The following TMEM8B variants were observed in gnomAD, a reference collection of about 807,000 sequenced individuals.
The protein encoded by TMEM8B is nasopharyngeal carcinoma expressed 6.
In TMEM8B, 29 loss-of-function variants were observed where a neutral mutation model predicts 49.3. That is an observed-to-expected ratio of 0.59 (90% CI 0.44 to 0.80). The LOEUF is 0.80. Ranked by LOEUF, TMEM8B falls within the 30% of genes least tolerant of loss-of-function variation. The pLI is 0.00. For synonymous variants in TMEM8B, 264 were observed against 272.8 expected (o/e 0.97, Z 0.32); for missense variants, 575 against 658.5 (o/e 0.87, Z 1.39).
rs797017228 is a variant in TMEM8B, at chr9:35,853,551, G to A, written c.2486G>A (p.Arg829His). The A allele has an allele frequency of 5.0e-6, 8 of 1,613,998 alleles. No homozygotes were observed. Among genetic ancestry groups the A allele is most frequent in the Admixed American group, 3.3e-5 (2 of 60,008 alleles). The change falls in exon 13 of 13, where the codon CGC becomes CAC. Residue 829 changes from arginine (R) to histidine (H), a missense_variant. Arg to His is a conservative substitution (Grantham distance 29, BLOSUM62 0). Transcript: ENST00000643932. The surrounding 1 kb of genome is among the most constrained non-coding windows in gnomAD (Gnocchi z 4.2). Reference sequence around the variant, plus strand: ...CGGCACTGCTACCCACCCACGTGGCGCCGCTGGCTTTTCTACTTGTGCCCT... The same window carrying A: ...CGGCACTGCTACCCACCCACGTGGCACCGCTGGCTTTTCTACTTGTGCCCT... ...RRRHCYPPTW[R>H]RWLFYLCPGS...
In TMEM8B at chr9:35,853,927, G is replaced by T; in HGVS notation, c.*87G>T. On this transcript the variant is annotated 3_prime_UTR_variant, in exon 13 of 13. Transcript: ENST00000643932. The surrounding 1 kb of genome is among the most constrained non-coding windows in gnomAD (Gnocchi z 4.2). ...GTGGAGCCCTCTTAGAAGGAGACAG[G>T]CTGTATTTCTTGAGGACATGGAGTC... 1 of 1,441,612 alleles carries T rather than the reference G, an allele frequency of 6.9e-7. No individual in the cohort carries two copies. The highest frequency in any genetic ancestry group is 9.1e-7 in the Non-Finnish European group (1 of 1,102,238). 89.3% of individuals were successfully genotyped at this position (1,441,612 alleles called of 1,614,324 possible).
In TMEM8B at chr9:35,847,010, C is replaced by T. The variant is rs1025559068; in HGVS notation, c.2175+15C>T. Reference sequence around the variant, plus strand: ...TCTTCTCCACGGTATGCGGTGGTGTCTGCATCTTATCACTGGGTGCTTGTG... The same window carrying T: ...TCTTCTCCACGGTATGCGGTGGTGTTTGCATCTTATCACTGGGTGCTTGTG... On this transcript the variant is annotated intron_variant, in intron 10 of 12. Coordinates refer to ENST00000643932, the MANE Select transcript of TMEM8B (RefSeq NM_001042590.4). 6 of 1,614,090 alleles carry T rather than the reference C, an allele frequency of 3.7e-6. No individual in the cohort carries two copies. In the African/African-American group the frequency reaches 8.0e-5, roughly 22 times the overall value.
At chr9:35,840,681 A>AG (rs1188434053) in intron 3 of TMEM8B, among the ~76,000 whole-genome samples, 1 of 152,040 alleles carries the variant, frequency 6.6e-6, no homozygotes, top group Non-Finnish European at 1.5e-5. Flanking sequence ...GGGGAGAGTG[A>AG]GGGGGCTGGA....
At chr9:35,833,580 T>TG (rs1830131356) in intron 1 of TMEM8B, among the ~76,000 whole-genome samples, 1 of 152,212 alleles carries the variant, frequency 6.6e-6, no homozygotes, top group African/African-American at 2.4e-5. Flanking sequence ...TAATGAGGGA[T>TG]GACCACTTCC....
chr9:35,846,441 C>T (rs1443749837), intron 8 of TMEM8B, 28 bp from the exon 9 acceptor site: 1 of 1,596,328 alleles, frequency 6.3e-7, no homozygotes. Context: ...TGGCCCGGGG[C>T]CCCAGGTGAC....
Position 35,853,259 on chromosome 9 carries a change from T to A in TMEM8B, c.2439+2T>A. 6.2e-7 allele frequency: 1 copy of A among 1,608,382 alleles called. No homozygotes were observed. Among genetic ancestry groups the A allele is most frequent in the Non-Finnish European group, 8.5e-7 (1 of 1,175,052 alleles). On this transcript the variant is annotated splice_donor_variant, in intron 12 of 12. Coordinates refer to ENST00000643932, the MANE Select transcript of TMEM8B (RefSeq NM_001042590.4). LOFTEE classifies it high-confidence loss of function. The surrounding 1 kb of genome is among the most constrained non-coding windows in gnomAD (Gnocchi z 4.2). Reference sequence around the variant, plus strand: ...CTGGGGATCTTGGCCACAGCCTGGGTAAGGGTGGGGAGGGATGTGGGGGGA... The same window carrying A: ...CTGGGGATCTTGGCCACAGCCTGGGAAAGGGTGGGGAGGGATGTGGGGGGA...
chr9:35,841,220 G>T lies in TMEM8B; in HGVS notation c.993G>T (p.Arg331=). The T allele has an allele frequency of 4.8e-6, 2 of 416,082 alleles. No individual in the cohort carries two copies. The highest frequency in any genetic ancestry group is 8.8e-6 in the Non-Finnish European group (2 of 226,730). The allele number at this position is 416,082 out of a possible 1,614,324, so 25.8% of individuals were successfully genotyped here. The part of the protein sequence containing the change: ...LLDVAVLVPG[R]PSEQTLSPHN... ...ACGTCGCTGTGCTGGTTCCTGGCCG[G>T]CCCTCAGAGCAAACCCTCTCCCCAC... The change falls in exon 4 of 13, where the codon CGG becomes CGT. Residue 331 remains arginine (R), a synonymous_variant. Coordinates refer to ENST00000643932, the MANE Select transcript of TMEM8B (RefSeq NM_001042590.4). The surrounding 1 kb of genome is among the most constrained non-coding windows in gnomAD (Gnocchi z 5.9).
At chr9:35,846,427 G>T in intron 8 of TMEM8B, 42 bp from the exon 9 acceptor site, 1 of 1,598,374 alleles carries the variant, frequency 6.3e-7, no homozygotes, top group Middle Eastern at 1.7e-4. Flanking sequence ...GGACTTGGCG[G>T]GGGTGGCCCG....
chr9:35,846,122 C>T (rs1831521140), intron 7 of TMEM8B, 54 bp downstream of exon 7: 1 of 1,587,902 alleles, frequency 6.3e-7, no homozygotes, highest in Non-Finnish European at 8.6e-7. Context: ...GTGGTGGTGG[C>T]GGGCAGAGGT....
chr9:35,837,463 G>T (rs1220759623), intron 3 of TMEM8B, among the ~76,000 whole-genome samples: 3 of 152,142 alleles, frequency 2.0e-5, no homozygotes, highest in Non-Finnish European at 4.4e-5. Flanking sequence ...GAGTAGCATG[G>T]CCCAAAGTTT....
chr9:35,844,196 C>A (rs140176037), intron 6 of TMEM8B, among the ~76,000 whole-genome samples: 1 of 152,354 alleles, frequency 6.6e-6, no homozygotes, highest in East Asian at 1.9e-4. Flanking sequence ...ATTTTTGAAC[C>A]TGAATGGAAG....
chr9:35,841,582 G>A lies in TMEM8B; in HGVS notation c.1097G>A (p.Gly366Asp). ...RVSAQLVCVG[G>D]RGVSACPLSL... ...TCAGCACAGCTGGTGTGTGTGGGGG[G>A]CCGTGGGGTATCTGCCTGCCCCCTG... The change falls in exon 5 of 13, where the codon GGC (glycine) becomes GAC (aspartate). Residue 366 changes from glycine (G) to aspartate (D), a missense_variant. Transcript: ENST00000643932. This position sits in a 1 kb window ranked among gnomAD's most constrained non-coding sequence, Gnocchi z 5.9. The A allele has an allele frequency of 2.4e-6, 1 of 416,828 alleles. No individual in the cohort carries two copies. The highest frequency in any genetic ancestry group is 4.4e-6 in the Non-Finnish European group (1 of 227,110). The allele number at this position is 416,828 out of a possible 1,614,324, so 25.8% of individuals were successfully genotyped here.
rs200964898 is a variant in TMEM8B, at chr9:35,846,113, T to G, written c.1729+45T>G. ...AGGAGAGGAAGCTGCAGTGTGGGGG[T>G]GGTGGTGGCGGGCAGAGGTGAAGGT... On this transcript the variant is annotated intron_variant, in intron 7 of 12. Coordinates refer to ENST00000643932, the MANE Select transcript of TMEM8B (RefSeq NM_001042590.4). 1.6e-3 allele frequency: 2,401 copies of G among 1,506,978 alleles called. 16 individuals are homozygous for G. In the African/African-American group the frequency reaches 0.021, roughly 13 times the overall value. The allele number at this position is 1,506,978 out of a possible 1,614,324, so 93.4% of individuals were successfully genotyped here.
rs2132424703 is a variant in TMEM8B, at chr9:35,857,957, C to T, written c.*4117C>T. The stretch of plus-strand genomic sequence containing the variant: ...CTGCAGGAGAAGCTGTCACCTTTGC[C>T]ATGGAGCTTGCACTTGGCCCAGCAC... On this transcript the variant is annotated 3_prime_UTR_variant, in exon 13 of 13. Transcript: ENST00000643932. 1 of 152,360 alleles carries T rather than the reference C, an allele frequency of 6.6e-6. No homozygotes were observed. Among genetic ancestry groups the T allele is most frequent in the African/African-American group, 2.4e-5 (1 of 41,544 alleles). The allele number at this position is 152,360 out of a possible 1,614,324, so 9.4% of individuals were successfully genotyped here. A position where few individuals can be genotyped will look rare whatever the true frequency, so the allele number is the denominator to read the frequency against.
rs1215886544 is a variant in TMEM8B at position 35,855,891 on chromosome 9, T to G, written c.*2051T>G. ...TGAGGAGGTGTGAGCTAGGTGTCTG[T>G]TCCCATTTTAGAAAATACTGTTCCT... On this transcript the variant is annotated 3_prime_UTR_variant, in exon 13 of 13. Coordinates refer to ENST00000643932, the MANE Select transcript of TMEM8B (RefSeq NM_001042590.4). The G allele has an allele frequency of 6.6e-6, 1 of 152,178 alleles. No homozygotes were observed. Among genetic ancestry groups the G allele is most frequent in the Non-Finnish European group, 1.5e-5 (1 of 68,050 alleles). 9.4% of individuals were successfully genotyped at this position (152,178 alleles called of 1,614,324 possible).
rs750084435 is a variant in TMEM8B, at chr9:35,852,889, G to T, written c.2238G>T (p.Leu746=). 5.6e-6 allele frequency: 9 copies of T among 1,614,190 alleles called. No homozygotes were observed. The highest frequency in any genetic ancestry group is 7.6e-6 in the Non-Finnish European group (9 of 1,180,050). Residue 746 remains leucine, a synonymous_variant, in exon 11 of 13, where the codon CTG becomes CTT. Coordinates refer to ENST00000643932, the MANE Select transcript of TMEM8B (RefSeq NM_001042590.4). The part of the protein sequence containing the change: ...VVFCIMDYDV[L]QFCDFLGSLM... ...TCTGCATCATGGACTACGATGTGCT[G>T]CAGTTCTGTGATTTCCTGGGCTCCT...
At chr9:35,849,304 C>G (rs553842226) in intron 10 of TMEM8B, among the ~76,000 whole-genome samples, 7 of 152,222 alleles carry the variant, frequency 4.6e-5, no homozygotes, top group African/African-American at 1.7e-4. Context: ...TAGGAGCAGA[C>G]AGTAGGTTTA....
intron 1 of TMEM8B, among the ~76,000 whole-genome samples, 193 bp downstream of exon 1, chr9:35,830,148 G>A (rs368811364): frequency 2.6e-5 from 4 of 152,178 alleles, no homozygotes; most frequent in East Asian, 3.9e-4. Flanking sequence ...TGGGTTTGAG[G>A]CTCAGCAGGT....
rs1832669440 is a variant in TMEM8B, at chr9:35,862,492, A to AC, written c.*8654dup. ...TATCACTCACACCTCTAACAGTAAG[A>AC]CCAAGTGGGCCTGGCGGAGGCATTT... On this transcript the variant is annotated 3_prime_UTR_variant, in exon 13 of 13. Coordinates refer to ENST00000643932, the MANE Select transcript of TMEM8B (RefSeq NM_001042590.4). 1 of 152,254 alleles carries AC rather than the reference A, an allele frequency of 6.6e-6. No individual in the cohort carries two copies. The highest frequency in any genetic ancestry group is 2.4e-5 in the African/African-American group (1 of 41,440). The allele number at this position is 152,254 out of a possible 1,614,324, so 9.4% of individuals were successfully genotyped here.
Sources: gnomAD v4.1 joint callset for allele counts (sites outside exome capture counted in the v4.1 genomes callset) on GRCh38, gnomAD v4.1.1 for gene constraint, Gnocchi (gnomAD v3.1) non-coding constraint, MANE v1.5 for transcripts, NCBI Gene and HGNC (gene_info 2026-07-23, HGNC 2026-07-21) for gene names.